Variants in ARL8B observed in about 807,000 individuals in gnomAD.
ARL8B encodes ARF like GTPase 8B, also known as ADP-ribosylation factor-like protein 8B.
In ARL8B, 9 loss-of-function variants were observed where a neutral mutation model predicts 30.6. The ratio of observed to expected loss-of-function variants is 0.29; its 90% CI spans 0.18 to 0.51. ARL8B has a LOEUF of 0.51. Ranked by LOEUF, ARL8B falls within the 20% of genes least tolerant of loss-of-function variation. The pLI is 0.97. For synonymous variants in ARL8B, 74 were observed against 76.0 expected, an observed-to-expected ratio of 0.97 and a Z score of 0.14; for missense variants, 130 against 227.2, an observed-to-expected ratio of 0.57 and a Z score of 2.75.
chr3:5,165,923 C>A (rs1366550451), intron 1 of ARL8B, among the ~76,000 whole-genome samples: 1 of 152,140 alleles, frequency 6.6e-6, no homozygotes, highest in Non-Finnish European at 1.5e-5. Context: ...TGTGTTCTTT[C>A]CAGTGTCAGA....
intron 1 of ARL8B, among the ~76,000 whole-genome samples, chr3:5,138,377 G>A (rs1285526983): frequency 6.6e-6 from 1 of 152,096 alleles, no homozygotes; most frequent in Non-Finnish European, 1.5e-5. Context: ...ACACTAAAGT[G>A]GAAAATCACT....
chr3:5,176,072 T>A (rs373944220), intron 6 of ARL8B, among the ~76,000 whole-genome samples: 14 of 152,172 alleles, frequency 9.2e-5, no homozygotes, highest in African/African-American at 3.4e-4. Context: ...CTAATTTGGT[T>A]TGAGATGATT....
In ARL8B at chr3:5,135,737, G is replaced by A. The variant is rs560024771; in HGVS notation, c.123+13149G>A. Among the ~76,000 whole-genome samples, 131 of 148,586 alleles carry A rather than the reference G, an allele frequency of 8.8e-4. 1 individual carries two copies. Among genetic ancestry groups the A allele is most frequent in the African/African-American group, 3.1e-3 (125 of 40,446 alleles). On this transcript the variant is annotated intron_variant, in intron 1 of 6. Transcript: ENST00000256496. ...CTCCTAAAGTGCTAGGATTACAGGC[G>A]TGAGCCACCGCACCTGGCCTATTAT... is the stretch of plus-strand genomic sequence containing the variant.
intron 1 of ARL8B, among the ~76,000 whole-genome samples, chr3:5,141,278 C>T (rs544775670): frequency 6.6e-6 from 1 of 152,304 alleles, no homozygotes; most frequent in Non-Finnish European, 1.5e-5. Flanking sequence ...AAAATGTTTT[C>T]TCACAAATTT....
At chr3:5,174,173 T>C in intron 5 of ARL8B, 89 bp downstream of exon 5, 4 of 1,213,626 alleles carry the variant, frequency 3.3e-6, no homozygotes, top group Non-Finnish European at 4.8e-6. Context: ...ATCATAGCCA[T>C]TTTTTTTAGG....
chr3:5,178,851 T>G lies in ARL8B; in HGVS notation c.*138T>G. On this transcript the variant is annotated 3_prime_UTR_variant, in exon 7 of 7. Coordinates refer to ENST00000256496, the MANE Select transcript of ARL8B (RefSeq NM_018184.3). ...TTCAGAGTTTATTTCTCATGTGCAC[T>G]GCTGAAGATGAATATCCCTAATCCT... The G allele has an allele frequency of 2.2e-4, 279 of 1,259,348 alleles. No homozygotes were observed. The highest frequency in any genetic ancestry group is 2.5e-4 in the Non-Finnish European group (233 of 924,284). 78.0% of individuals were successfully genotyped at this position (1,259,348 alleles called of 1,614,324 possible). A position where few individuals can be genotyped will look rare whatever the true frequency, so the allele number is the denominator to read the frequency against.
At chr3:5,122,644 C>G (rs563203518) in intron 1 of ARL8B, 56 bp downstream of exon 1, 2 of 1,551,480 alleles carry the variant, frequency 1.3e-6, no homozygotes, top group African/African-American at 2.7e-5. Context: ...TCCGGCCCGG[C>G]GCTTCTCCAA....
intron 6 of ARL8B, among the ~76,000 whole-genome samples, chr3:5,177,009 G>T (rs2054735741): frequency 6.6e-6 from 1 of 152,142 alleles, no homozygotes; most frequent in Non-Finnish European, 1.5e-5. Context: ...GCAAGGTTGA[G>T]AAATCCTGTT....
chr3:5,131,412 A>G (rs2054282516), intron 1 of ARL8B, among the ~76,000 whole-genome samples: 1 of 150,318 alleles, frequency 6.7e-6, no homozygotes, highest in South Asian at 2.1e-4. Context: ...TTTTTTTGAG[A>G]CAGAGTCTCA....
chr3:5,139,199 T>G (rs1298771614), intron 1 of ARL8B, among the ~76,000 whole-genome samples: 2 of 152,212 alleles, frequency 1.3e-5, no homozygotes, highest in Non-Finnish European at 2.9e-5. Flanking sequence ...ATGTTAAAAG[T>G]AGGCACTAAA....
At chr3:5,146,650 T>C (rs753706970) in intron 1 of ARL8B, among the ~76,000 whole-genome samples, 1 of 152,206 alleles carries the variant, frequency 6.6e-6, no homozygotes, top group Non-Finnish European at 1.5e-5. Flanking sequence ...TTAATTGTTC[T>C]GCCTGTATTC....
At chr3:5,143,492 C>T (rs1453180487) in intron 1 of ARL8B, among the ~76,000 whole-genome samples, 5 of 152,174 alleles carry the variant, frequency 3.3e-5, no homozygotes, top group South Asian at 4.1e-4. Flanking sequence ...ACCACCTGTG[C>T]CTGAGGTCCT....
intron 1 of ARL8B, among the ~76,000 whole-genome samples, chr3:5,147,574 C>T (rs1233366988): frequency 6.6e-6 from 1 of 152,158 alleles, no homozygotes; most frequent in Non-Finnish European, 1.5e-5. Context: ...ATTCCCTTCT[C>T]TCCTTTGAGG....
At chr3:5,174,759 AATATATATT>A (rs1423511174) in intron 6 of ARL8B, among the ~76,000 whole-genome samples, 7 of 145,356 alleles carry the variant, frequency 4.8e-5, no homozygotes, top group African/African-American at 1.8e-4. Flanking sequence ...AATATATATA[AATATATATT>A]ATATATAACA....
At chr3:5,152,127 T>G (rs187663375) in intron 1 of ARL8B, among the ~76,000 whole-genome samples, 2 of 152,336 alleles carry the variant, frequency 1.3e-5, no homozygotes, top group East Asian at 1.9e-4. Flanking sequence ...TCCAGTTGGT[T>G]GTTGTGGTAA....
chr3:5,140,288 T>G (rs1055160977), intron 1 of ARL8B, among the ~76,000 whole-genome samples: 11 of 152,168 alleles, frequency 7.2e-5, no homozygotes, highest in African/African-American at 2.4e-4. Context: ...GGGGACGATT[T>G]TCCCCATACT....
intron 1 of ARL8B, among the ~76,000 whole-genome samples, chr3:5,167,251 GC>G (rs142797690): frequency 1.3e-5 from 2 of 152,300 alleles, no homozygotes; most frequent in African/African-American, 4.8e-5. Flanking sequence ...CACAGCGAGT[GC>G]CACGTGTGAT....
Position 5,138,903 on chromosome 3 carries a change from G to A in ARL8B, c.123+16315G>A, listed in dbSNP as rs187826995. Among the ~76,000 whole-genome samples, 297 of 152,276 alleles carry A rather than the reference G, an allele frequency of 2.0e-3. 1 individual carries two copies. Among genetic ancestry groups the A allele is most frequent in the African/African-American group, 6.9e-3 (285 of 41,552 alleles). ...CTGTTTCTTCAGTAATACCCAGAGA[G>A]AGCTGCAGTGTGGAGGAGCCGGTGA... On this transcript the variant is annotated intron_variant, in intron 1 of 6. Coordinates refer to ENST00000256496, the MANE Select transcript of ARL8B (RefSeq NM_018184.3).
rs869292035 is a variant in ARL8B, at chr3:5,135,800, A to ATTT, written c.123+13214_123+13216dup. Among the ~76,000 whole-genome samples, 5 of 100,784 alleles carry ATTT rather than the reference A, an allele frequency of 5.0e-5. No individual in the cohort carries two copies. In the East Asian group the frequency reaches 1.3e-3, roughly 26 times the overall value. The allele number at this position is 100,784 out of a possible 152,430, so 66.1% of individuals were successfully genotyped here. On this transcript the variant is annotated intron_variant, in intron 1 of 6. Transcript: ENST00000256496. Reference sequence around the variant, plus strand: ...TATTATTATTATTATTATTATTATTATTTTGAGACAGGGTCTCACTCTGTC... The same window carrying ATTT: ...TATTATTATTATTATTATTATTATTATTTTTTTGAGACAGGGTCTCACTCTGTC...
Sources: gnomAD v4.1 joint callset for allele counts (sites outside exome capture counted in the v4.1 genomes callset) on GRCh38, gnomAD v4.1.1 for gene constraint, MANE v1.5 for transcripts, NCBI Gene and HGNC (gene_info 2026-07-23, HGNC 2026-07-21) for gene names.